The following TBC1D15 variants were observed in gnomAD, a reference collection of about 807,000 sequenced individuals.
The protein encoded by TBC1D15 is TBC1 domain family member 15, also known as GAP for RAB7.
TBC1D15 carries 39 observed loss-of-function variants against 95.4 expected under a neutral mutation model. The ratio of observed to expected loss-of-function variants is 0.41; its 90% CI spans 0.32 to 0.53. The LOEUF (loss-of-function observed/expected upper bound fraction) is 0.53, where lower values mean the gene tolerates loss of function less well. TBC1D15 is among the 20% of genes least tolerant of loss of function. TBC1D15 has a pLI of 0.29. For missense variants in TBC1D15, 733 were observed against 794.3 expected (o/e 0.92, Z 0.93); for synonymous variants, 258 against 261.3 (o/e 0.99, Z 0.12).
chr12:71,922,210 G>C (rs968146660), intron 16 of TBC1D15, among the ~76,000 whole-genome samples: 1 of 151,918 alleles, frequency 6.6e-6, no homozygotes, highest in African/African-American at 2.4e-5. Context: ...TCAGCTTCCC[G>C]AGTAGCTAGG....
rs1325250553 is a variant in TBC1D15 at position 71,924,171 on chromosome 12, A to G, written c.*967A>G. ...ATGGTCTCATGAGTTTCAAAATAAT[A>G]ATTTTTGTGTATGAACAAAGCTGTT... On this transcript the variant is annotated 3_prime_UTR_variant, in exon 17 of 17. Coordinates refer to ENST00000485960, the MANE Select transcript of TBC1D15 (RefSeq NM_001146213.3). 6.6e-6 allele frequency: 1 copy of G among 152,602 alleles called. No individual in the cohort carries two copies. Among genetic ancestry groups the G allele is most frequent in the African/African-American group, 2.4e-5 (1 of 41,446 alleles). The allele number at this position is 152,602 out of a possible 1,614,324, so 9.5% of individuals were successfully genotyped here. A position where few individuals can be genotyped will look rare whatever the true frequency, so the allele number is the denominator to read the frequency against.
chr12:71,889,989 T>C (rs1354916426), intron 5 of TBC1D15, among the ~76,000 whole-genome samples: 2 of 152,198 alleles, frequency 1.3e-5, no homozygotes, highest in African/African-American at 4.8e-5. Flanking sequence ...TTTTTATGGC[T>C]GCGTAGTATT....
intron 9 of TBC1D15, 89 bp from the exon 10 acceptor site, chr12:71,897,758 G>T: frequency 1.1e-6 from 1 of 887,554 alleles, no homozygotes; most frequent in South Asian, 1.5e-5. Context: ...TAAATGCTTT[G>T]ATATACTGTT....
chr12:71,894,427 A>T, intron 6 of TBC1D15: 1 of 1,566,978 alleles, frequency 6.4e-7, no homozygotes, highest in Non-Finnish European at 8.8e-7. Context: ...AAGCCTGCAA[A>T]TCATTTGTTT....
intron 5 of TBC1D15, among the ~76,000 whole-genome samples, chr12:71,888,121 T>C (rs921739675): frequency 1.3e-5 from 2 of 152,204 alleles, no homozygotes; most frequent in Admixed American, 6.5e-5. Flanking sequence ...GTGTTGTTCA[T>C]GTTTCGTGAG....
chr12:71,896,149 T>C, intron 8 of TBC1D15, 74 bp downstream of exon 8: 1 of 1,381,762 alleles, frequency 7.2e-7, no homozygotes, highest in East Asian at 2.4e-5. Flanking sequence ...ATCGTTACTG[T>C]TTTGGTGTGT....
intron 1 of TBC1D15, among the ~76,000 whole-genome samples, chr12:71,859,429 A>G (rs1307041527): frequency 2.6e-5 from 4 of 152,156 alleles, no homozygotes; most frequent in Admixed American, 6.5e-5. Context: ...TTCCTATGCT[A>G]TGCAGAAGTT....
chr12:71,855,596 A>G (rs1424619871), intron 1 of TBC1D15, among the ~76,000 whole-genome samples: 10 of 140,612 alleles, frequency 7.1e-5, no homozygotes, highest in Non-Finnish European at 3.0e-5. Context: ...TGAACCCGGG[A>G]GGCAGAGCTT....
In TBC1D15 at chr12:71,849,901, G is replaced by A. The variant is rs1887334492; in HGVS notation, c.30+10090G>A. ...TGTTTGGGGTCCACCAAAGCTTCCA[G>A]CGTCTTGAGGATCAGTGGCTGGAAA... is the stretch of plus-strand genomic sequence containing the variant. On this transcript the variant is annotated intron_variant, in intron 1 of 16. Coordinates refer to ENST00000485960, the MANE Select transcript of TBC1D15 (RefSeq NM_001146213.3). The A allele has an allele frequency of 5.3e-6, 3 of 567,820 alleles. No homozygotes were observed. The African/African-American group carries it at 5.7e-5, about 11-fold the overall frequency. 35.2% of individuals were successfully genotyped at this position (567,820 alleles called of 1,614,324 possible).
intron 10 of TBC1D15, among the ~76,000 whole-genome samples, chr12:71,900,079 A>G (rs537631592): frequency 6.6e-6 from 1 of 152,072 alleles, no homozygotes; most frequent in African/African-American, 2.4e-5. Context: ...AAAAAATAGG[A>G]CTCAGTTTCT....
chr12:71,893,538 G>A (rs1566025943), intron 6 of TBC1D15, among the ~76,000 whole-genome samples: 1 of 151,566 alleles, frequency 6.6e-6, no homozygotes, highest in Admixed American at 6.6e-5. Context: ...AGGCTTCCTT[G>A]GTTCTTAGTT....
intron 1 of TBC1D15, among the ~76,000 whole-genome samples, chr12:71,856,027 C>T (rs1888987473): frequency 6.6e-6 from 1 of 151,882 alleles, no homozygotes; most frequent in South Asian, 2.1e-4. Flanking sequence ...TTGGACCATA[C>T]AGAAATTATG....
intron 11 of TBC1D15, among the ~76,000 whole-genome samples, chr12:71,909,151 C>A (rs954802369): frequency 6.6e-6 from 1 of 152,224 alleles, no homozygotes; most frequent in Admixed American, 6.5e-5. Context: ...ATACTAATGT[C>A]ACATTCTTTC....
intron 1 of TBC1D15, among the ~76,000 whole-genome samples, chr12:71,858,589 T>C (rs1209238767): frequency 4.0e-5 from 6 of 151,290 alleles, no homozygotes; most frequent in Admixed American, 2.6e-4. Flanking sequence ...AGAGTCTCTT[T>C]GTTGCTCAGG....
intron 3 of TBC1D15, among the ~76,000 whole-genome samples, chr12:71,874,736 C>G (rs1311994480): frequency 6.7e-6 from 1 of 149,174 alleles, no homozygotes; most frequent in African/African-American, 2.5e-5. Context: ...AATTCTCATG[C>G]CTCAGCCTTC....
chr12:71,873,016 A>C lies in TBC1D15; in HGVS notation c.204+13A>C, dbSNP rs1893014660. ...CTATGCTAGAAAGGTATTTAAGAAA[A>C]AAATGTGTTACTAAGGGAATGCCAT... On this transcript the variant is annotated intron_variant, in intron 3 of 16. Transcript: ENST00000485960. 6.4e-7 allele frequency: 1 copy of C among 1,564,924 alleles called. No homozygotes were observed. The highest frequency in any genetic ancestry group is 1.8e-5 in the Admixed American group (1 of 55,126).
chr12:71,868,822 G>A (rs1892048037), intron 1 of TBC1D15: 1 of 152,056 alleles, frequency 6.6e-6, no homozygotes, highest in African/African-American at 2.4e-5. Flanking sequence ...AGCTTTTCTT[G>A]CCAAATGAGT....
intron 6 of TBC1D15, among the ~76,000 whole-genome samples, chr12:71,893,952 A>G (rs1005988392): frequency 4.7e-5 from 7 of 150,316 alleles, no homozygotes; most frequent in African/African-American, 1.7e-4. Flanking sequence ...GATTAATAAG[A>G]TATAGAGGGA....
chr12:71,885,832 G>T (rs767401133), intron 5 of TBC1D15, among the ~76,000 whole-genome samples: 1 of 152,134 alleles, frequency 6.6e-6, no homozygotes, highest in Non-Finnish European at 1.5e-5. Flanking sequence ...ACGGGAAGGA[G>T]ATACTTAGAG....
Sources: allele counts gnomAD v4.1 joint callset (sites outside exome capture counted in the v4.1 genomes callset), GRCh38; gene constraint gnomAD v4.1.1; transcripts MANE v1.5; gene names NCBI Gene and HGNC (gene_info 2026-07-23, HGNC 2026-07-21).